Variants in STMN1 observed in about 807,000 individuals in gnomAD.
STMN1 encodes stathmin.
A neutral mutation model predicts 19.7 loss-of-function variants in STMN1; 3 were observed. The ratio of observed to expected loss-of-function variants is 0.15; its 90% CI spans 0.07 to 0.39. STMN1 has a LOEUF of 0.39. Ranked by LOEUF, STMN1 falls within the 10% of genes least tolerant of loss-of-function variation. STMN1 has a pLI of 1.00. For missense variants in STMN1, 99 were observed against 176.0 expected (o/e 0.56, Z 2.48); for synonymous variants, 59 against 58.9 (o/e 1.00, Z -0.01).
At chr1:25,885,756 C>T in exon 5 of STMN1, 1 of 1,551,550 alleles carries the variant, frequency 6.4e-7, no homozygotes, top group Non-Finnish European at 8.7e-7. Context: ...ACCAGGTAAT[C>T]AATGCAGATT....
At chr1:25,895,801 G>A (rs1362980930), downstream of STMN1, among the ~76,000 whole-genome samples, 1 of 152,210 alleles carries the variant, frequency 6.6e-6, no homozygotes, top group Non-Finnish European at 1.5e-5. Context: ...TCGGATCCAG[G>A]AGGATTCCAT....
At chr1:25,901,148 A>T in intron 4 of STMN1, 61 bp from the exon 5 acceptor site, 1 of 1,574,048 alleles carries the variant, frequency 6.4e-7, no homozygotes, top group Non-Finnish European at 8.5e-7. Flanking sequence ...AAGCCTGTCA[A>T]GTCACGACCC....
At position 25,894,485 on chromosome 1, in the gene STMN1, G is replaced by A. The variant is rs999958408; in HGVS notation, c.378+7006C>T. ...GCTTGAGCTCAGGAGTTCGAGACCG[G>A]CCTGGGCAACATGGTGAAATCTTGT... On this transcript the variant is annotated intron_variant, in intron 4 of 4. Transcript: ENST00000426559. Among the ~76,000 whole-genome samples, 5 of 152,290 alleles carry A rather than the reference G, an allele frequency of 3.3e-5. No homozygotes were observed. In the East Asian group the frequency reaches 7.7e-4, roughly 23 times the overall value.
chr1:25,890,027 C>G (rs995289539), intron 4 of STMN1, among the ~76,000 whole-genome samples: 8 of 152,174 alleles, frequency 5.3e-5, no homozygotes, highest in African/African-American at 1.7e-4. Flanking sequence ...TCTTCTCCCC[C>G]CAGGATGTAA....
chr1:25,895,263 C>T (rs953373161), downstream of STMN1, among the ~76,000 whole-genome samples: 5 of 151,956 alleles, frequency 3.3e-5, no homozygotes, highest in African/African-American at 7.3e-5. Flanking sequence ...CCACCACGCC[C>T]GGCTAATCTT....
At chr1:25,887,471 C>T in intron 4 of STMN1, 2 of 368,958 alleles carry the variant, frequency 5.4e-6, no homozygotes, top group Non-Finnish European at 1.1e-5. Context: ...TCTTAGATGG[C>T]TACATGAACA....
chr1:25,903,101 ATAT>A (rs1265856100), intron 3 of STMN1: 1 of 152,234 alleles, frequency 6.6e-6, no homozygotes, highest in Admixed American at 6.5e-5. Flanking sequence ...TAGCATATTA[ATAT>A]TTATTGATTC....
intron 4 of STMN1, among the ~76,000 whole-genome samples, chr1:25,889,439 C>G (rs920892301): frequency 1.3e-5 from 2 of 151,748 alleles, no homozygotes; most frequent in Non-Finnish European, 2.9e-5. Flanking sequence ...TCCATCCCCC[C>G]ACACCTACTC....
intron 4 of STMN1, among the ~76,000 whole-genome samples, chr1:25,894,666 A>C (rs547499946): frequency 2.4e-4 from 36 of 152,294 alleles, no homozygotes; most frequent in African/African-American, 8.7e-4. Context: ...GGTGACAAAG[A>C]GAGAGACCCT....
intron 1 of STMN1, 142 bp from the exon 2 acceptor site, chr1:25,904,880 T>G (rs1234866184): frequency 2.0e-6 from 1 of 497,344 alleles, no homozygotes; most frequent in Admixed American, 4.2e-5. Context: ...ACGAAAAAAA[T>G]TATCAAAATC....
downstream of STMN1, among the ~76,000 whole-genome samples, chr1:25,897,915 C>A (rs2048833363): frequency 6.6e-6 from 1 of 152,174 alleles, no homozygotes; most frequent in East Asian, 1.9e-4. Flanking sequence ...AAGTTTAGAG[C>A]ACATGTCCCA....
At chr1:25,903,851 T>A (rs887976426) in intron 2 of STMN1, 38 bp from the exon 3 acceptor site, 1 of 1,561,122 alleles carries the variant, frequency 6.4e-7, no homozygotes, top group African/African-American at 1.4e-5. Context: ...AAAACCAGGA[T>A]TCTCCTGTTC....
chr1:25,892,127 C>T (rs987960480), intron 4 of STMN1, among the ~76,000 whole-genome samples: 6 of 152,234 alleles, frequency 3.9e-5, no homozygotes, highest in African/African-American at 4.8e-5. Context: ...CTGTGGCTCA[C>T]GCCTGTAATC....
intron 4 of STMN1, among the ~76,000 whole-genome samples, chr1:25,889,279 T>C (rs2048751720): frequency 6.6e-6 from 1 of 152,222 alleles, no homozygotes; most frequent in Non-Finnish European, 1.5e-5. Context: ...GGTTCAGTAA[T>C]AAATATGTGA....
At chr1:25,887,917 C>T (rs1231297388) in intron 4 of STMN1, among the ~76,000 whole-genome samples, 2 of 152,186 alleles carry the variant, frequency 1.3e-5, no homozygotes, top group Non-Finnish European at 2.9e-5. Context: ...GATCTCTTGA[C>T]TTCGTGATCC....
At chr1:25,890,975 TCA>T (rs1409995387) in intron 4 of STMN1, among the ~76,000 whole-genome samples, 5 of 152,090 alleles carry the variant, frequency 3.3e-5, no homozygotes, top group African/African-American at 1.2e-4. Context: ...TCTCTGAACC[TCA>T]GTTTCCTCAT....
rs966889247 is a variant in STMN1 at position 25,894,010 on chromosome 1, C to T, written c.378+7481G>A. Reference sequence around the variant, plus strand: ...CCAAACTTGACCCAAGCATTATCTCCTACAGGAATTCATCCTGGGCCTGCA... The same window carrying T: ...CCAAACTTGACCCAAGCATTATCTCTTACAGGAATTCATCCTGGGCCTGCA... On this transcript the variant is annotated intron_variant, in intron 4 of 4. Transcript: ENST00000426559. Among the ~76,000 whole-genome samples the T allele has an allele frequency of 5.3e-5, 8 of 152,318 alleles. No individual in the cohort carries two copies. In the East Asian group the frequency reaches 1.5e-3, roughly 29 times the overall value.
intron 3 of STMN1, 122 bp from the exon 4 acceptor site, chr1:25,901,804 G>A: frequency 1.1e-6 from 1 of 888,696 alleles, no homozygotes. Flanking sequence ...GAGGTCAGGA[G>A]TTCAAGACCA....
intron 4 of STMN1, among the ~76,000 whole-genome samples, chr1:25,888,468 C>T (rs1409511916): frequency 1.3e-5 from 2 of 152,140 alleles, no homozygotes; most frequent in Non-Finnish European, 2.9e-5. Context: ...CATAGTAGGT[C>T]CTCAATAAAT....
Sources: allele counts gnomAD v4.1 joint callset (sites outside exome capture counted in the v4.1 genomes callset), GRCh38; gene constraint gnomAD v4.1.1; transcripts MANE v1.5; gene names NCBI Gene and HGNC (gene_info 2026-07-23, HGNC 2026-07-21).